VRK2: variants seen among roughly 807,000 people sequenced by gnomAD.
The protein encoded by VRK2 is VRK serine/threonine kinase 2.
VRK2 carries 60 observed loss-of-function variants against 57.6 expected under a neutral mutation model. The observed-to-expected ratio is 1.04, with a 90% CI of 0.85 to 1.29. The LOEUF is 1.29. Among genes scored for constraint, VRK2 ranks in the 50% most tolerant of loss-of-function variants. The pLI is 0.00. For synonymous variants in VRK2, 231 were observed against 199.2 expected (o/e 1.16, Z -1.35); for missense variants, 705 against 588.1 (o/e 1.20, Z -2.06).
At chr2:58,125,132 T>C (rs1366221122) in intron 8 of VRK2, among the ~76,000 whole-genome samples, 4 of 152,172 alleles carry the variant, frequency 2.6e-5, no homozygotes, top group African/African-American at 9.6e-5. Flanking sequence ...ATATTAATAA[T>C]GATACCAACT....
intron 3 of VRK2, among the ~76,000 whole-genome samples, chr2:58,084,628 G>C (rs1335718136): frequency 6.6e-6 from 1 of 151,828 alleles, no homozygotes; most frequent in Admixed American, 6.6e-5. Context: ...AGTGTTCTCT[G>C]TAAGAAAACT....
At chr2:57,916,731 T>C (rs891403851) in intron 1 of VRK2, among the ~76,000 whole-genome samples, 3 of 152,166 alleles carry the variant, frequency 2.0e-5, no homozygotes, top group Admixed American at 6.5e-5. Flanking sequence ...GCTTAGACCA[T>C]GTGTTTTACT....
At chr2:57,966,944 C>A (rs1335456589) in intron 1 of VRK2, among the ~76,000 whole-genome samples, 1 of 152,056 alleles carries the variant, frequency 6.6e-6, no homozygotes, top group Non-Finnish European at 1.5e-5. Context: ...AGAGAAGGAT[C>A]AGCATGTGAT....
intron 6 of VRK2, among the ~76,000 whole-genome samples, chr2:58,089,308 G>T (rs1672049943): frequency 6.6e-6 from 1 of 152,084 alleles, no homozygotes; most frequent in South Asian, 2.1e-4. Flanking sequence ...ATAGATCTCT[G>T]ATTTTATGCT....
At chr2:58,041,100 A>G (rs894934921) in intron 3 of VRK2, 47 of 981,598 alleles carry the variant, frequency 4.8e-5, no homozygotes, top group South Asian at 9.4e-5. Flanking sequence ...GAGTGTAAAT[A>G]TAGTCTTATA....
At chr2:58,105,504 T>TA (rs1381142049) in intron 7 of VRK2, among the ~76,000 whole-genome samples, 1 of 151,892 alleles carries the variant, frequency 6.6e-6, no homozygotes, top group African/African-American at 2.4e-5. Flanking sequence ...GATATCATCT[T>TA]ATGCCAGTCA....
At chr2:58,081,838 C>A (rs1670913300) in intron 2 of VRK2, among the ~76,000 whole-genome samples, 1 of 145,362 alleles carries the variant, frequency 6.9e-6, no homozygotes, top group African/African-American at 2.6e-5. Context: ...CACCAGACAG[C>A]AAAAGCATAT....
intron 1 of VRK2, among the ~76,000 whole-genome samples, chr2:57,927,461 G>A (rs1262266097): frequency 6.6e-6 from 1 of 151,972 alleles, no homozygotes; most frequent in Non-Finnish European, 1.5e-5. Context: ...ATTTTTAGTA[G>A]AGACGGGGTG....
chr2:57,910,385 T>C (rs1669949784), intron 1 of VRK2, among the ~76,000 whole-genome samples: 1 of 152,140 alleles, frequency 6.6e-6, no homozygotes, highest in African/African-American at 2.4e-5. Context: ...GCTTTGAAAA[T>C]AAGTAAACTT....
chr2:58,138,840 T>C (rs1680911123), intron 10 of VRK2, among the ~76,000 whole-genome samples: 1 of 152,196 alleles, frequency 6.6e-6, no homozygotes, highest in Non-Finnish European at 1.5e-5. Flanking sequence ...TATTTGGTAT[T>C]ATCACCACTT....
At chr2:58,060,973 A>T (rs896532862) in intron 2 of VRK2, among the ~76,000 whole-genome samples, 7 of 151,944 alleles carry the variant, frequency 4.6e-5, no homozygotes, top group African/African-American at 1.7e-4. Flanking sequence ...TTAATAGATT[A>T]TCGCTAAAAT....
At position 57,931,980 on chromosome 2, in the gene VRK2, G is replaced by A. The variant is rs775881102; in HGVS notation, c.-439+24141G>A. 5.3e-5 allele frequency among the ~76,000 whole-genome samples: 8 copies of A among 151,972 alleles called. No homozygotes were observed. The East Asian group carries it at 7.7e-4, about 15-fold the overall frequency. The stretch of plus-strand genomic sequence containing the variant: ...TCTATTCTGTTGCATTGATCTATAC[G>A]TCTGTTTTTATGGCAGTACCATGCT... On this transcript the variant is annotated intron_variant, in intron 1 of 15. Coordinates refer to the VRK2 transcript ENST00000417641.
intron 1 of VRK2, among the ~76,000 whole-genome samples, chr2:58,003,312 T>G (rs148335199): frequency 0.013 from 1,972 of 152,282 alleles, 21 homozygotes; most frequent in Non-Finnish European, 0.019. Flanking sequence ...CTGCTTACTA[T>G]TATTTATTCC....
At chr2:58,126,369 A>G (rs1449352354) in intron 8 of VRK2, among the ~76,000 whole-genome samples, 1 of 152,116 alleles carries the variant, frequency 6.6e-6, no homozygotes, top group Non-Finnish European at 1.5e-5. Flanking sequence ...CTCAAGCTAA[A>G]TCTCATTTTT....
intron 9 of VRK2, among the ~76,000 whole-genome samples, chr2:58,134,363 G>A (rs924106918): frequency 6.6e-6 from 1 of 152,046 alleles, no homozygotes; most frequent in Non-Finnish European, 1.5e-5. Flanking sequence ...TGTAATCCCA[G>A]CACTTTGGGA....
intron 1 of VRK2, among the ~76,000 whole-genome samples, chr2:57,954,529 G>GT (rs1671523537): frequency 6.6e-6 from 1 of 151,770 alleles, no homozygotes; most frequent in Non-Finnish European, 1.5e-5. Flanking sequence ...AATATGCAGT[G>GT]TTTTTTTCTT....
In VRK2 at chr2:58,157,493, C is replaced by T. The variant is rs1684096016; in HGVS notation, c.1183-1856C>T. 1.3e-5 allele frequency among the ~76,000 whole-genome samples: 2 copies of T among 152,116 alleles called. 1 individual carries two copies. The highest frequency in any genetic ancestry group is 4.1e-4 in the South Asian group (2 of 4,822). ...ATGTCTCCAGAAATTGCTAAATGTCCTCTGTGGGGCAGGATCAACCCAGGC... is the reference window on the plus strand; with the variant it reads ...ATGTCTCCAGAAATTGCTAAATGTCTTCTGTGGGGCAGGATCAACCCAGGC... On this transcript the variant is annotated intron_variant, in intron 12 of 12. Transcript: ENST00000340157.
chr2:58,123,300 C>T, intron 8 of VRK2, 67 bp downstream of exon 8: 1 of 1,542,506 alleles, frequency 6.5e-7, no homozygotes, highest in Non-Finnish European at 8.7e-7. Flanking sequence ...GGTAATGAGG[C>T]TGCATGAAAT....
chr2:58,012,275 T>C (rs951670981), intron 1 of VRK2, among the ~76,000 whole-genome samples: 1 of 152,190 alleles, frequency 6.6e-6, no homozygotes, highest in African/African-American at 2.4e-5. Flanking sequence ...GCCATTCTTT[T>C]ATTCCTTTAC....
Sources: gnomAD v4.1 joint callset for allele counts (sites outside exome capture counted in the v4.1 genomes callset) on GRCh38, gnomAD v4.1.1 for gene constraint, MANE v1.5 for transcripts, NCBI Gene and HGNC (gene_info 2026-07-23, HGNC 2026-07-21) for gene names.